Variants in INTS1 observed in about 807,000 individuals in gnomAD.
The protein encoded by INTS1 is integrator complex subunit 1.
A neutral mutation model predicts 241.6 loss-of-function variants in INTS1; 137 were observed. That is an observed-to-expected ratio of 0.57 (90% CI 0.49 to 0.65). The LOEUF (loss-of-function observed/expected upper bound fraction) is 0.65, where lower values mean the gene tolerates loss of function less well. Among genes scored for constraint, INTS1 ranks in the 30% least tolerant of loss-of-function variants. The pLI, the probability that INTS1 is intolerant of heterozygous loss-of-function variation, is 0.00. For synonymous variants in INTS1, 1,692 were observed against 1,337.8 expected (o/e 1.26, Z -5.78); for missense variants, 3,073 against 3,032.2 (o/e 1.01, Z -0.32).
chr7:1,488,479 G>A (rs1159115565), intron 18 of INTS1, among the ~76,000 whole-genome samples: 2 of 152,088 alleles, frequency 1.3e-5, no homozygotes, highest in Non-Finnish European at 2.9e-5. Context: ...GGGGGAAGCA[G>A]CTGTGCCTCC....
chr7:1,473,838 C>T, intron 41 of INTS1, 145 bp from the exon 42 acceptor site: 1 of 1,059,990 alleles, frequency 9.4e-7, no homozygotes, highest in Non-Finnish European at 1.4e-6. Context: ...GTCACAGGCC[C>T]AAGGGTGGCC....
chr7:1,477,848 CG>C lies in INTS1; in HGVS notation c.4718del (p.Pro1573ArgfsTer11), dbSNP rs780297497. 2 of 1,612,600 alleles carry C rather than the reference CG, an allele frequency of 1.2e-6. No homozygotes were observed. The highest frequency in any genetic ancestry group is 2.2e-5 in the South Asian group (2 of 91,084). ...FFSATADAAS[P>X]FPACKPVVVV... Reference sequence around the variant, plus strand: ...CCACAACGGGCTTACAGGCTGGAAACGGGGAGGCAGCATCCGCAGTGGCAGA... The same window carrying C: ...CCACAACGGGCTTACAGGCTGGAAACGGGAGGCAGCATCCGCAGTGGCAGA... On this transcript the variant is annotated frameshift_variant, in exon 34 of 48. Coordinates refer to ENST00000404767, the MANE Select transcript of INTS1 (RefSeq NM_001080453.3). LOFTEE classifies it high-confidence loss of function.
chr7:1,504,145 G>A (rs1783347946), intron 1 of INTS1, 144 bp from the exon 2 acceptor site: 3 of 561,526 alleles, frequency 5.3e-6, no homozygotes, highest in African/African-American at 4.1e-5. Context: ...TGCAGGAGCT[G>A]CAGGGACCCC....
Position 1,490,275 on chromosome 7 carries a change from C to T in INTS1, c.2166-593G>A, listed in dbSNP as rs546007860. 3.9e-5 allele frequency among the ~76,000 whole-genome samples: 6 copies of T among 152,200 alleles called. No individual in the cohort carries two copies. In the East Asian group the frequency reaches 9.7e-4, roughly 25 times the overall value. ...TCCGAAGTGCGTCCGACCAAAACTC[C>T]AAACGCTACTGAAAGGGTGTCAGCT... is the stretch of plus-strand genomic sequence containing the variant. On this transcript the variant is annotated intron_variant, in intron 16 of 47. Transcript: ENST00000404767.
rs370265253 is a variant in INTS1 at position 1,486,671 on chromosome 7, C to T, written c.2930G>A (p.Arg977Gln). The T allele has an allele frequency of 3.6e-5, 58 of 1,612,140 alleles. 1 individual carries two copies. In the Middle Eastern group the frequency reaches 6.6e-4, roughly 18 times the overall value. ...TTCEVLDYFL[R>Q]RLGSSQVASR... ...GGCCACCTGGGAGGAGCCGAGGCGC[C>T]GCAAGAAGTAGTCCAGCACCTCACA... Residue 977 changes from arginine (R) to glutamine (Q), a missense_variant, in exon 22 of 48, where the codon CGG (arginine) becomes CAG (glutamine). Coordinates refer to ENST00000404767, the MANE Select transcript of INTS1 (RefSeq NM_001080453.3).
rs758609218 is a variant in INTS1, at chr7:1,495,571, C to T, written c.1712-18G>A. 9.4e-6 allele frequency: 15 copies of T among 1,601,406 alleles called. No individual in the cohort carries two copies. Among genetic ancestry groups the T allele is most frequent in the Non-Finnish European group, 1.2e-5 (14 of 1,176,024 alleles). On this transcript the variant is annotated intron_variant, in intron 12 of 47. Transcript: ENST00000404767. ...TTCCAGGTCTGAAACAGACACGCAG[C>T]TTAGTGGCCCATCCGAGCCATGGGC...
At chr7:1,473,304 C>T (rs766764609) in intron 42 of INTS1, 120 bp from the exon 43 acceptor site, 37 of 637,456 alleles carry the variant, frequency 5.8e-5, no homozygotes, top group Admixed American at 2.8e-4. Context: ...GAGGCCAGGA[C>T]GCTCAGAGGG....
At chr7:1,494,210 A>G (rs1464161975) in intron 14 of INTS1, among the ~76,000 whole-genome samples, 2 of 152,196 alleles carry the variant, frequency 1.3e-5, no homozygotes, top group Non-Finnish European at 2.9e-5. Flanking sequence ...CACCCCACAG[A>G]GGCCTCTAGA....
chr7:1,484,948 GTCCCC>G, intron 24 of INTS1, 145 bp downstream of exon 24: 11 of 505,164 alleles, frequency 2.2e-5, no homozygotes, highest in African/African-American at 1.0e-4. Context: ...TGCTGACCCC[GTCCCC>G]TCCCCAGGGC....
Position 1,498,535 on chromosome 7 carries a change from G to A in INTS1, c.1302C>T (p.His434=). 1 of 1,613,840 alleles carries A rather than the reference G, an allele frequency of 6.2e-7. No homozygotes were observed. Among genetic ancestry groups the A allele is most frequent in the African/African-American group, 1.3e-5 (1 of 75,024 alleles). ...TGATGGTGGTGCCCAGGTTGTCCTT[G>A]TGCGCGCTCAGCAGCTCCCTGGGTG... The part of the protein sequence containing the change: ...MLCIRELLSA[H]KDNLGTTIKL... The change falls in exon 10 of 48, where the codon CAC becomes CAT. Residue 434 remains histidine, a synonymous_variant. Coordinates refer to ENST00000404767, the MANE Select transcript of INTS1 (RefSeq NM_001080453.3).
At chr7:1,495,174 C>A (rs1328464119) in intron 13 of INTS1, among the ~76,000 whole-genome samples, 1 of 152,252 alleles carries the variant, frequency 6.6e-6, no homozygotes, top group African/African-American at 2.4e-5. Context: ...CCACCCCAAC[C>A]AAGGCAGAGG....
rs774170014 is a variant in INTS1 at position 1,473,675 on chromosome 7, G to A, written c.5848C>T (p.Arg1950Cys). The A allele has an allele frequency of 2.1e-5, 34 of 1,613,130 alleles. No homozygotes were observed. The highest frequency in any genetic ancestry group is 2.7e-5 in the African/African-American group (2 of 74,934). ...RLLLNYRKSS[R>C]HLAAFINKFV... ...TTGTTGATGAAGGCAGCCAGATGGC[G>A]GGAGGACTTCCTGTAATTCTGCAAA... is the stretch of plus-strand genomic sequence containing the variant. Residue 1950 changes from arginine to cysteine, a missense_variant, in exon 42 of 48, where the codon CGC becomes TGC. Arg to Cys is a radical substitution (Grantham distance 180). Coordinates refer to ENST00000404767, the MANE Select transcript of INTS1 (RefSeq NM_001080453.3).
chr7:1,500,166 A>G lies in INTS1; in HGVS notation c.546+4T>C, dbSNP rs79440852. 7.3e-4 allele frequency: 1,149 copies of G among 1,584,614 alleles called. 8 individuals are homozygous for G. In the African/African-American group the frequency reaches 0.014, roughly 19 times the overall value. On this transcript the variant is annotated splice_donor_region_variant and intron_variant, in intron 4 of 47. Transcript: ENST00000404767. Reference sequence around the variant, plus strand: ...TCGCCTCCTGCCAGGGGCCCGGCTCAAACCTCAATGACGCCCTCAGTGGCG... The same window carrying G: ...TCGCCTCCTGCCAGGGGCCCGGCTCGAACCTCAATGACGCCCTCAGTGGCG...
At chr7:1,485,789 G>A (rs73275965) in intron 22 of INTS1, among the ~76,000 whole-genome samples, 3,824 of 152,286 alleles carry the variant, frequency 0.025, 143 homozygotes, top group African/African-American at 0.084. Flanking sequence ...CAGTCAGAGT[G>A]CACTGAACAC....
chr7:1,494,631 G>A (rs1322256857), intron 14 of INTS1, 185 bp downstream of exon 14: 14 of 654,840 alleles, frequency 2.1e-5, no homozygotes, highest in African/African-American at 9.0e-5. Flanking sequence ...CTACAGTGGC[G>A]CTGGGACGCC....
chr7:1,491,982 C>T (rs893497670), intron 16 of INTS1, among the ~76,000 whole-genome samples: 10 of 152,316 alleles, frequency 6.6e-5, no homozygotes, highest in Non-Finnish European at 1.3e-4. Context: ...CTGAGAAACA[C>T]GGGCCATGAG....
rs371055852 is a variant in INTS1 at position 1,498,540 on chromosome 7, C to T, written c.1297G>A (p.Ala433Thr). The T allele has an allele frequency of 3.2e-5, 51 of 1,613,662 alleles. No homozygotes were observed. Among genetic ancestry groups the T allele is most frequent in the African/African-American group, 8.0e-5 (6 of 74,890 alleles). ...FMLCIRELLS[A>T]HKDNLGTTIK... ...GTGGTGCCCAGGTTGTCCTTGTGCG[C>T]GCTCAGCAGCTCCCTGGGTGAGGTG... Residue 433 changes from alanine to threonine, a missense_variant, in exon 10 of 48, where the codon GCG becomes ACG. Transcript: ENST00000404767.
chr7:1,494,519 T>C (rs892529), intron 14 of INTS1: 239,275 of 490,734 alleles, frequency 0.49, 62,425 homozygotes, highest in African/African-American at 0.77. Flanking sequence ...GCGTGAAGGG[T>C]GGCGTGCCCG....
chr7:1,473,777 T>G, intron 41 of INTS1, 84 bp from the exon 42 acceptor site: 1 of 1,544,084 alleles, frequency 6.5e-7, no homozygotes. Flanking sequence ...TCCCAGAGCC[T>G]CAGGGCATGG....
Sources: allele counts gnomAD v4.1 joint callset (sites outside exome capture counted in the v4.1 genomes callset), GRCh38; gene constraint gnomAD v4.1.1; transcripts MANE v1.5; gene names NCBI Gene and HGNC (gene_info 2026-07-23, HGNC 2026-07-21).